Variants in EPB41L4B observed in about 807,000 individuals in gnomAD.
EPB41L4B encodes the protein erythrocyte membrane protein band 4.1 like 4B, also known as band 4.1-like protein 4B.
In EPB41L4B, 30 loss-of-function variants were observed where a neutral mutation model predicts 112.5. That is an observed-to-expected ratio of 0.27 (90% CI 0.20 to 0.36). EPB41L4B has a LOEUF of 0.36. Ranked by LOEUF, EPB41L4B falls within the 10% of genes least tolerant of loss-of-function variation. The pLI, the probability that EPB41L4B is intolerant of heterozygous loss-of-function variation, is 1.00. For missense variants in EPB41L4B, 1,024 were observed against 1,133.3 expected (o/e 0.90, Z 1.38); for synonymous variants, 408 against 439.7 (o/e 0.93, Z 0.90).
chr9:109,204,695 C>T lies in EPB41L4B; in HGVS notation c.1879-965G>A, dbSNP rs368973967. Among the ~76,000 whole-genome samples the T allele has an allele frequency of 6.2e-4, 95 of 152,086 alleles. 2 individuals carry two copies. The South Asian group carries it at 0.019, about 31-fold the overall frequency. ...TTTTTTTTGTAGAGACGAGGTTTTG[C>T]CATGTTGCCCAGGCTGGTCTTGAAC... On this transcript the variant is annotated intron_variant, in intron 18 of 25. Transcript: ENST00000374566.
intron 24 of EPB41L4B, among the ~76,000 whole-genome samples, chr9:109,177,076 T>C (rs1309950174): frequency 6.6e-5 from 10 of 152,144 alleles, no homozygotes; most frequent in Non-Finnish European, 1.2e-4. Flanking sequence ...TGAAAACAAA[T>C]GTATATTTTA....
intron 3 of EPB41L4B, among the ~76,000 whole-genome samples, chr9:109,267,833 CCT>C (rs1476875298): frequency 2.0e-5 from 3 of 152,134 alleles, no homozygotes; most frequent in Admixed American, 6.5e-5. Flanking sequence ...TATTTTCACC[CCT>C]GATGCCACAA....
rs200836092 is a variant in EPB41L4B, at chr9:109,290,782, ACC to A, written c.307-10863_307-10862del. Among the ~76,000 whole-genome samples the A allele has an allele frequency of 9.1e-3, 1,299 of 142,882 alleles. 20 individuals are homozygous for A. The highest frequency in any genetic ancestry group is 0.03 in the African/African-American group (1,159 of 38,832). The allele number at this position is 142,882 out of a possible 152,430, so 93.7% of individuals were successfully genotyped here. A position where few individuals can be genotyped will look rare whatever the true frequency, so the allele number is the denominator to read the frequency against. On this transcript the variant is annotated intron_variant, in intron 1 of 25. Coordinates refer to ENST00000374566, the MANE Select transcript of EPB41L4B (RefSeq NM_019114.5). ...CACACACACACACACACACACACAC[ACC>A]CCCCACCAAGTGGCCCAGGAATTCC...
Position 109,254,019 on chromosome 9 carries a change from C to T in EPB41L4B, c.1170-469G>A, listed in dbSNP as rs140027547. On this transcript the variant is annotated intron_variant, in intron 11 of 25. Coordinates refer to ENST00000374566, the MANE Select transcript of EPB41L4B (RefSeq NM_019114.5). ...TTTGGGTTTCAACCAACGTGACACC[C>T]GGCTGCAGATTCCAGGAGGTTGCTG... Among the ~76,000 whole-genome samples the T allele has an allele frequency of 5.9e-5, 9 of 152,344 alleles. No individual in the cohort carries two copies. In the East Asian group the frequency reaches 1.2e-3, roughly 20 times the overall value.
intron 14 of EPB41L4B, among the ~76,000 whole-genome samples, chr9:109,245,334 A>G (rs1380504463): frequency 6.6e-6 from 1 of 152,226 alleles, no homozygotes; most frequent in African/African-American, 2.4e-5. Context: ...AATCAGATTC[A>G]TCAGAGAGAG....
intron 15 of EPB41L4B, among the ~76,000 whole-genome samples, chr9:109,230,656 T>C (rs1412602911): frequency 1.3e-5 from 2 of 152,230 alleles, no homozygotes; most frequent in Non-Finnish European, 2.9e-5. Context: ...AGCATACTAT[T>C]TGGCAACAAG....
Position 109,320,447 on chromosome 9 carries a change from C to G in EPB41L4B, c.-1G>C. ...AGGTCCGGCGCAGGAACCGCAGCAT[C>G]CTGGCTGGGGGCGCCCCCTGCCTCC... On this transcript the variant is annotated 5_prime_UTR_variant, in exon 1 of 26. Coordinates refer to ENST00000374566, the MANE Select transcript of EPB41L4B (RefSeq NM_019114.5). The G allele has an allele frequency of 5.0e-6, 5 of 990,192 alleles. No homozygotes were observed. The highest frequency in any genetic ancestry group is 6.0e-6 in the Non-Finnish European group (5 of 835,256). The allele number at this position is 990,192 out of a possible 1,614,324, so 61.3% of individuals were successfully genotyped here.
chr9:109,255,495 A>C lies in EPB41L4B; in HGVS notation c.1169+16T>G, dbSNP rs1834943464. Reference sequence around the variant, plus strand: ...CTTCAGAAGACGTGATCCGTGTTGCAGAAATGGCTCCCTACCTGAATCTGA... The same window carrying C: ...CTTCAGAAGACGTGATCCGTGTTGCCGAAATGGCTCCCTACCTGAATCTGA... On this transcript the variant is annotated intron_variant, in intron 11 of 25. Coordinates refer to ENST00000374566, the MANE Select transcript of EPB41L4B (RefSeq NM_019114.5). The C allele has an allele frequency of 1.2e-6, 2 of 1,612,220 alleles. No homozygotes were observed. Among genetic ancestry groups the C allele is most frequent in the Non-Finnish European group, 1.7e-6 (2 of 1,178,296 alleles).
chr9:109,243,811 G>T (rs1564289553), intron 14 of EPB41L4B, 129 bp from the exon 15 acceptor site: 2 of 827,094 alleles, frequency 2.4e-6, no homozygotes, highest in South Asian at 3.4e-5. Flanking sequence ...ATAGACCCTG[G>T]CTAGGGGGTG....
intron 4 of EPB41L4B, 147 bp from the exon 5 acceptor site, chr9:109,265,171 G>A (rs1835354576): frequency 1.6e-6 from 1 of 635,376 alleles, no homozygotes; most frequent in Non-Finnish European, 2.7e-6. Context: ...AACTTTGGTG[G>A]AAGCATCTCC....
At chr9:109,279,039 A>G (rs1295423266) in intron 2 of EPB41L4B, among the ~76,000 whole-genome samples, 2 of 152,142 alleles carry the variant, frequency 1.3e-5, no homozygotes, top group African/African-American at 4.8e-5. Flanking sequence ...GACCTGCTCC[A>G]ACCCCATCCA....
intron 1 of EPB41L4B, among the ~76,000 whole-genome samples, chr9:109,302,976 G>T (rs947765503): frequency 6.6e-6 from 1 of 151,758 alleles, no homozygotes. Flanking sequence ...AGCTACTCAA[G>T]AGGCTGAGGT....
Position 109,174,018 on chromosome 9 carries a change from T to C in EPB41L4B, c.*536A>G, listed in dbSNP as rs1460689285. 1.3e-5 allele frequency: 2 copies of C among 152,582 alleles called. No individual in the cohort carries two copies. The highest frequency in any genetic ancestry group is 2.9e-5 in the Non-Finnish European group (2 of 68,150). 9.5% of individuals were successfully genotyped at this position (152,582 alleles called of 1,614,324 possible). A position where few individuals can be genotyped will look rare whatever the true frequency, so the allele number is the denominator to read the frequency against. ...TAAGCTGAAGTACCTTCAGTCATAG[T>C]GATATGTAACTTTCTTTTTTTAGTT... On this transcript the variant is annotated 3_prime_UTR_variant, in exon 26 of 26. Transcript: ENST00000374566.
At chr9:109,203,396 T>G (rs929295358) in intron 19 of EPB41L4B, among the ~76,000 whole-genome samples, 2 of 152,174 alleles carry the variant, frequency 1.3e-5, no homozygotes, top group African/African-American at 4.8e-5. Flanking sequence ...GATGGCAATG[T>G]GAAGCCCACT....
chr9:109,217,909 T>A (rs1057363424), intron 15 of EPB41L4B, among the ~76,000 whole-genome samples: 47 of 147,858 alleles, frequency 3.2e-4, no homozygotes, highest in Admixed American at 7.4e-4. Flanking sequence ...CACCTCCTTT[T>A]AAAAAAAAAA....
intron 6 of EPB41L4B, among the ~76,000 whole-genome samples, chr9:109,258,964 C>G (rs145060885): frequency 6.6e-6 from 1 of 152,286 alleles, no homozygotes; most frequent in African/African-American, 2.4e-5. Flanking sequence ...AAGTCCCCCA[C>G]AGGATGGAGG....
chr9:109,226,797 AATATATATATGAAGAAC>A (rs1833797297), intron 15 of EPB41L4B, among the ~76,000 whole-genome samples: 1 of 147,214 alleles, frequency 6.8e-6, no homozygotes, highest in African/African-American at 2.5e-5. Flanking sequence ...ATATATGAAG[AATATATATATGAAGAAC>A]ATATATATAT....
chr9:109,232,430 G>A (rs1222464193), intron 15 of EPB41L4B, among the ~76,000 whole-genome samples: 1 of 151,986 alleles, frequency 6.6e-6, no homozygotes, highest in Non-Finnish European at 1.5e-5. Context: ...CTCAAACAGT[G>A]TTATATGAGA....
chr9:109,278,303 T>C (rs2119128069), intron 2 of EPB41L4B, among the ~76,000 whole-genome samples: 1 of 152,024 alleles, frequency 6.6e-6, no homozygotes, highest in Admixed American at 6.6e-5. Flanking sequence ...TAACAGGACG[T>C]CCTGAAGATG....
Sources: allele counts gnomAD v4.1 joint callset (sites outside exome capture counted in the v4.1 genomes callset), GRCh38; gene constraint gnomAD v4.1.1; transcripts MANE v1.5; gene names NCBI Gene and HGNC (gene_info 2026-07-23, HGNC 2026-07-21).